PPP1R9A: variants seen among roughly 807,000 people sequenced by gnomAD.
PPP1R9A encodes neurabin-1.
In PPP1R9A, 59 loss-of-function variants were observed where a neutral mutation model predicts 141.9. That is an observed-to-expected ratio of 0.42 (90% CI 0.34 to 0.52). The LOEUF is 0.52. Among genes scored for constraint, PPP1R9A ranks in the 20% least tolerant of loss-of-function variants. The pLI is 0.10. For synonymous variants in PPP1R9A, 500 were observed against 569.7 expected (o/e 0.88, Z 1.74); for missense variants, 1,444 against 1,611.9 (o/e 0.90, Z 1.78).
At chr7:95,230,422 A>G (rs1795761580) in intron 8 of PPP1R9A, among the ~76,000 whole-genome samples, 1 of 152,112 alleles carries the variant, frequency 6.6e-6, no homozygotes, top group Admixed American at 6.6e-5. Flanking sequence ...ACATAATACA[A>G]GAAATGAAAA....
At chr7:95,149,773 T>A (rs991158181) in intron 4 of PPP1R9A, among the ~76,000 whole-genome samples, 6 of 105,036 alleles carry the variant, frequency 5.7e-5, no homozygotes, top group African/African-American at 1.7e-4. Flanking sequence ...AAGATGTCAG[T>A]TCTTCCCTAC....
At chr7:95,198,869 G>A (rs1170728636) in intron 6 of PPP1R9A, among the ~76,000 whole-genome samples, 2 of 152,098 alleles carry the variant, frequency 1.3e-5, no homozygotes, top group Non-Finnish European at 2.9e-5. Flanking sequence ...AGTATGTAAT[G>A]CTTTTCCAAA....
chr7:95,164,741 C>CTTTTTTTTTTTTTTTTTTTTTTT (rs200177321), intron 5 of PPP1R9A, among the ~76,000 whole-genome samples: 10 of 66,158 alleles, frequency 1.5e-4, no homozygotes, highest in East Asian at 4.7e-4. Flanking sequence ...CTTTTCTTTT[C>CTTTTTTTTTTTTTTTTTTTTTTT]TTTTTTTTTT....
rs558691967 is a variant in PPP1R9A at position 94,914,372 on chromosome 7, A to G, written c.1395+2864A>G. 3.3e-5 allele frequency among the ~76,000 whole-genome samples: 5 copies of G among 152,294 alleles called. No homozygotes were observed. The South Asian group carries it at 6.2e-4, about 19-fold the overall frequency. ...CATAAGATGTCTTAAATCTGGACTT[A>G]GAAAAACATCAGAATAATAGTTGAT... On this transcript the variant is annotated intron_variant, in intron 2 of 19. Transcript: ENST00000433360.
intron 4 of PPP1R9A, among the ~76,000 whole-genome samples, chr7:95,148,488 T>C (rs893755070): frequency 3.9e-5 from 6 of 151,930 alleles, no homozygotes; most frequent in Non-Finnish European, 8.8e-5. Context: ...TGTAAATCTG[T>C]CAAAACTTTA....
chr7:95,237,315 C>T (rs890011192), intron 8 of PPP1R9A, among the ~76,000 whole-genome samples: 1 of 151,446 alleles, frequency 6.6e-6, no homozygotes, highest in Non-Finnish European at 1.5e-5. Context: ...CCTACTTCGG[C>T]CTCCCAAGTA....
At chr7:95,020,070 T>TCAC (rs56200705) in intron 2 of PPP1R9A, among the ~76,000 whole-genome samples, 2 of 151,822 alleles carry the variant, frequency 1.3e-5, no homozygotes, top group African/African-American at 4.8e-5. Flanking sequence ...ATCATCATCA[T>TCAC]TGATGAATTT....
At chr7:95,163,660 G>A (rs1179850786) in intron 5 of PPP1R9A, among the ~76,000 whole-genome samples, 2 of 152,118 alleles carry the variant, frequency 1.3e-5, no homozygotes, top group Non-Finnish European at 2.9e-5. Context: ...GAACATTTTG[G>A]ATTTCAGATA....
chr7:95,161,731 A>G (rs1331518419), intron 4 of PPP1R9A, 136 bp from the exon 5 acceptor site: 7 of 571,822 alleles, frequency 1.2e-5, no homozygotes, highest in Admixed American at 3.3e-5. Context: ...AACTGACTGT[A>G]TGTAAAAGAT....
At chr7:94,996,311 T>C (rs1584183990) in intron 2 of PPP1R9A, among the ~76,000 whole-genome samples, 1 of 152,164 alleles carries the variant, frequency 6.6e-6, no homozygotes, top group East Asian at 1.9e-4. Context: ...AAGACGTTGA[T>C]AAATTGAACA....
chr7:94,976,449 T>C (rs1035492408), intron 2 of PPP1R9A, among the ~76,000 whole-genome samples: 2 of 151,714 alleles, frequency 1.3e-5, no homozygotes, highest in Non-Finnish European at 2.9e-5. Flanking sequence ...CAGGCGATTC[T>C]CCTGCCTCAG....
At chr7:95,000,247 T>A (rs1395852149) in intron 2 of PPP1R9A, among the ~76,000 whole-genome samples, 1 of 152,188 alleles carries the variant, frequency 6.6e-6, no homozygotes, top group African/African-American at 2.4e-5. Flanking sequence ...TCAGGAAGTG[T>A]TTGTAGAATG....
chr7:94,922,395 G>A (rs982208658), intron 2 of PPP1R9A, among the ~76,000 whole-genome samples: 2 of 151,914 alleles, frequency 1.3e-5, no homozygotes, highest in African/African-American at 4.8e-5. Flanking sequence ...TGTGCTTATA[G>A]GCTTTTTTGA....
At chr7:94,926,355 G>T (rs1793488623) in intron 2 of PPP1R9A, among the ~76,000 whole-genome samples, 1 of 152,120 alleles carries the variant, frequency 6.6e-6, no homozygotes, top group African/African-American at 2.4e-5. Context: ...ATGGTTGTTT[G>T]AGATATAACT....
intron 2 of PPP1R9A, among the ~76,000 whole-genome samples, chr7:95,037,448 G>A (rs1808584388): frequency 6.6e-6 from 1 of 151,946 alleles, no homozygotes; most frequent in African/African-American, 2.4e-5. Flanking sequence ...TAATTATTAG[G>A]ACCACATGTG....
At chr7:94,959,959 A>T (rs1459441949) in intron 2 of PPP1R9A, among the ~76,000 whole-genome samples, 1 of 151,716 alleles carries the variant, frequency 6.6e-6, no homozygotes, top group Non-Finnish European at 1.5e-5. Flanking sequence ...AGTTCATTTA[A>T]GATATATCAA....
intron 4 of PPP1R9A, among the ~76,000 whole-genome samples, chr7:95,135,609 AT>A (rs576687690): frequency 8.9e-4 from 135 of 151,840 alleles, no homozygotes; most frequent in African/African-American, 3.0e-3. Context: ...TTTTGCTTTT[AT>A]TTTTTTCTTC....
At chr7:95,119,449 G>T (rs1364168844) in intron 3 of PPP1R9A, among the ~76,000 whole-genome samples, 2 of 152,150 alleles carry the variant, frequency 1.3e-5, no homozygotes, top group Non-Finnish European at 2.9e-5. Flanking sequence ...TGAGGACATT[G>T]ATATCCATGA....
chr7:95,071,518 G>A (rs908499250), intron 2 of PPP1R9A, among the ~76,000 whole-genome samples: 12 of 151,860 alleles, frequency 7.9e-5, no homozygotes, highest in Admixed American at 4.6e-4. Context: ...CTGTGGATGC[G>A]TGGGAAAAGA....
Sources: gnomAD v4.1 joint callset for allele counts (sites outside exome capture counted in the v4.1 genomes callset) on GRCh38, gnomAD v4.1.1 for gene constraint, MANE v1.5 for transcripts, NCBI Gene and HGNC (gene_info 2026-07-23, HGNC 2026-07-21) for gene names.